The following CCSER1 variants were observed in gnomAD, a reference collection of about 807,000 sequenced individuals.
CCSER1 encodes serine-rich coiled-coil domain-containing protein 1.
CCSER1 carries 41 observed loss-of-function variants against 82.0 expected under a neutral mutation model. The ratio of observed to expected loss-of-function variants is 0.50; its 90% CI spans 0.39 to 0.65. The LOEUF is 0.65. Among genes scored for constraint, CCSER1 ranks in the 30% least tolerant of loss-of-function variants. CCSER1 has a pLI of 0.00. For missense variants in CCSER1, 1,119 were observed against 1,064.2 expected (o/e 1.05, Z -0.72); for synonymous variants, 414 against 383.9 (o/e 1.08, Z -0.92).
chr4:91,413,844 C>A (rs951788476), intron 10 of CCSER1, among the ~76,000 whole-genome samples: 3 of 152,050 alleles, frequency 2.0e-5, no homozygotes, highest in African/African-American at 7.2e-5. Context: ...TATCAGCAGA[C>A]TTCTCAGCAA....
chr4:91,175,050 C>T (rs1733178052), intron 10 of CCSER1, among the ~76,000 whole-genome samples: 1 of 152,076 alleles, frequency 6.6e-6, no homozygotes. Context: ...TCAATTCCCA[C>T]CTATGAGTGA....
Position 90,907,631 on chromosome 4 carries a change from A to G in CCSER1, c.2095-15739A>G, listed in dbSNP as rs570497784. Among the ~76,000 whole-genome samples the G allele has an allele frequency of 2.9e-3, 434 of 152,264 alleles. 3 individuals are homozygous for G. Among genetic ancestry groups the G allele is most frequent in the African/African-American group, 0.01 (423 of 41,564 alleles). On this transcript the variant is annotated intron_variant, in intron 8 of 10. Transcript: ENST00000509176. ...TAATAAAAGAAATTCTAATCTGCGT[A>G]TGAAAGTAAACATTTGTCATGTGAT... is the stretch of plus-strand genomic sequence containing the variant.
rs576270423 is a variant in CCSER1, at chr4:90,546,486, A to C, written c.1724+78132A>C. Among the ~76,000 whole-genome samples, 3 of 152,264 alleles carry C rather than the reference A, an allele frequency of 2.0e-5. No individual in the cohort carries two copies. The East Asian group carries it at 5.8e-4, about 29-fold the overall frequency. On this transcript the variant is annotated intron_variant, in intron 5 of 10. Transcript: ENST00000509176. ...TCTGCCCTGAATAATGGCTGAATTAATTGTTTATTTTCCTAGATATGACTT... is the reference window on the plus strand; with the variant it reads ...TCTGCCCTGAATAATGGCTGAATTACTTGTTTATTTTCCTAGATATGACTT...
intron 3 of CCSER1, among the ~76,000 whole-genome samples, chr4:90,348,183 G>T (rs1477376350): frequency 1.3e-5 from 2 of 151,914 alleles, no homozygotes; most frequent in African/African-American, 4.8e-5. Context: ...GAAATACCTG[G>T]GTGACGAAGT....
chr4:90,514,127 G>A (rs531193944), intron 5 of CCSER1, among the ~76,000 whole-genome samples: 68 of 152,280 alleles, frequency 4.5e-4, no homozygotes, highest in African/African-American at 1.6e-3. Flanking sequence ...TCAGAGGAGA[G>A]AATGAAATGG....
At chr4:91,503,905 T>C (rs1380566718) in intron 10 of CCSER1, among the ~76,000 whole-genome samples, 3 of 152,192 alleles carry the variant, frequency 2.0e-5, no homozygotes, top group Non-Finnish European at 2.9e-5. Flanking sequence ...ATCCTTGTCA[T>C]TGGCGGGGTA....
intron 10 of CCSER1, among the ~76,000 whole-genome samples, chr4:91,288,199 T>TAC (rs1006247238): frequency 6.9e-6 from 1 of 145,572 alleles, no homozygotes; most frequent in African/African-American, 2.5e-5. Flanking sequence ...TACACATATG[T>TAC]ACACACACAC....
At chr4:91,028,916 G>A (rs1360191157) in intron 9 of CCSER1, among the ~76,000 whole-genome samples, 6 of 137,776 alleles carry the variant, frequency 4.4e-5, no homozygotes, top group Non-Finnish European at 8.5e-5. Flanking sequence ...ACAATTATAA[G>A]CTTCAGCAAA....
At chr4:91,471,566 C>T (rs1757277759) in intron 10 of CCSER1, among the ~76,000 whole-genome samples, 1 of 152,096 alleles carries the variant, frequency 6.6e-6, no homozygotes, top group Non-Finnish European at 1.5e-5. Flanking sequence ...GCTTGTTTTG[C>T]TGCATGTAGT....
intron 10 of CCSER1, among the ~76,000 whole-genome samples, chr4:91,172,046 C>T (rs1467793752): frequency 6.6e-6 from 1 of 151,898 alleles, no homozygotes; most frequent in Non-Finnish European, 1.5e-5. Flanking sequence ...TGCAAAGCAC[C>T]TTGCATTGTT....
intron 5 of CCSER1, among the ~76,000 whole-genome samples, chr4:90,525,196 C>T (rs1462605083): frequency 6.6e-6 from 1 of 151,886 alleles, no homozygotes; most frequent in Non-Finnish European, 1.5e-5. Context: ...AAAATCAGTC[C>T]ATTGTAAGTT....
At chr4:91,286,782 AAAAT>A (rs1743310572) in intron 10 of CCSER1, among the ~76,000 whole-genome samples, 1 of 151,916 alleles carries the variant, frequency 6.6e-6, no homozygotes, top group African/African-American at 2.4e-5. Context: ...TCTCTAGAAA[AAAAT>A]AGTAAACATC....
intron 10 of CCSER1, among the ~76,000 whole-genome samples, chr4:91,288,075 T>TAC (rs148485855): frequency 0.051 from 7,511 of 147,676 alleles, 635 homozygotes; most frequent in African/African-American, 0.17. Context: ...TATATATATA[T>TAC]ACACTCATAT....
At position 91,135,510 on chromosome 4, in the gene CCSER1, C is replaced by T. The variant is rs138205909; in HGVS notation, c.2217+49516C>T. Reference sequence around the variant, plus strand: ...TGGAATTGTTTTTGATGTTCATTTGCTGATTTAGATGATTTATTGCAGTAT... The same window carrying T: ...TGGAATTGTTTTTGATGTTCATTTGTTGATTTAGATGATTTATTGCAGTAT... On this transcript the variant is annotated intron_variant, in intron 10 of 10. Coordinates refer to ENST00000509176, the MANE Select transcript of CCSER1 (RefSeq NM_001145065.2). Among the ~76,000 whole-genome samples, 4 of 152,128 alleles carry T rather than the reference C, an allele frequency of 2.6e-5. No individual in the cohort carries two copies. In the East Asian group the frequency reaches 7.7e-4, roughly 29 times the overall value.
intron 10 of CCSER1, among the ~76,000 whole-genome samples, chr4:91,405,951 T>G (rs1752673864): frequency 6.6e-6 from 1 of 152,166 alleles, no homozygotes; most frequent in Non-Finnish European, 1.5e-5. Flanking sequence ...TCTTCTACAT[T>G]GCTCATGCTG....
chr4:90,234,149 A>C (rs1745277588), intron 1 of CCSER1, among the ~76,000 whole-genome samples: 1 of 152,102 alleles, frequency 6.6e-6, no homozygotes, highest in Non-Finnish European at 1.5e-5. Context: ...GATCTAGGGC[A>C]AAAATAATTG....
chr4:90,744,669 AG>A (rs1464023029), intron 7 of CCSER1, among the ~76,000 whole-genome samples: 1 of 152,172 alleles, frequency 6.6e-6, no homozygotes, highest in Non-Finnish European at 1.5e-5. Context: ...ATGGGCAAGC[AG>A]GCATTACCAC....
intron 5 of CCSER1, among the ~76,000 whole-genome samples, chr4:90,613,148 A>T (rs796272770): frequency 2.0e-4 from 31 of 152,276 alleles, no homozygotes; most frequent in African/African-American, 7.5e-4. Context: ...CTTTGATACA[A>T]GTCCCAGAAA....
chr4:90,700,332 G>A (rs1737816066), intron 6 of CCSER1, among the ~76,000 whole-genome samples: 1 of 152,072 alleles, frequency 6.6e-6, no homozygotes, highest in South Asian at 2.1e-4. Context: ...CCTTTTTTAT[G>A]GCTGCATAGT....
Sources: allele counts gnomAD v4.1 joint callset (sites outside exome capture counted in the v4.1 genomes callset), GRCh38; gene constraint gnomAD v4.1.1; transcripts MANE v1.5; gene names NCBI Gene and HGNC (gene_info 2026-07-23, HGNC 2026-07-21).